Variants in FIGNL2 observed in about 807,000 individuals in gnomAD.
FIGNL2 encodes fidgetin like 2, also known as fidgetin-like protein 2.
For missense variants in FIGNL2, 1,060 were observed against 950.2 expected (o/e 1.12, Z -1.52); for synonymous variants, 565 against 484.0 (o/e 1.17, Z -2.20).
intron 1 of FIGNL2, among the ~76,000 whole-genome samples, chr12:51,828,947 C>T (rs1939399187): frequency 6.6e-6 from 1 of 152,216 alleles, no homozygotes; most frequent in African/African-American, 2.4e-5. Context: ...CAACACCCTC[C>T]TCCAACCCCC....
chr12:51,827,038 T>A (rs1416280970), intron 1 of FIGNL2, among the ~76,000 whole-genome samples: 1 of 152,226 alleles, frequency 6.6e-6, no homozygotes, highest in Non-Finnish European at 1.5e-5. Context: ...GGCCTTGCCT[T>A]CCTCCCCTAG....
At chr12:51,822,515 G>T (rs564392738) in intron 1 of FIGNL2, 91 bp from the exon 2 acceptor site, 5 of 1,461,630 alleles carry the variant, frequency 3.4e-6, no homozygotes, top group Admixed American at 4.0e-5. Context: ...CCTAGACTGC[G>T]GCTTGGACAG....
At chr12:51,827,291 A>G (rs1267095503) in intron 1 of FIGNL2, among the ~76,000 whole-genome samples, 4 of 152,328 alleles carry the variant, frequency 2.6e-5, no homozygotes, top group Admixed American at 2.6e-4. Flanking sequence ...TAGGCTTTGA[A>G]TCCCAGAGAC....
intron 1 of FIGNL2, 55 bp from the exon 2 acceptor site, chr12:51,822,479 G>A: frequency 6.3e-7 from 1 of 1,588,664 alleles, no homozygotes; most frequent in Non-Finnish European, 8.6e-7. Context: ...GACCCAGTGG[G>A]CCACTGCTAG....
At chr12:51,845,714 G>A (rs953555194) in intron 1 of FIGNL2, 7 of 972,786 alleles carry the variant, frequency 7.2e-6, no homozygotes, top group Admixed American at 1.2e-4. Flanking sequence ...CTGGCTGACC[G>A]ACGGCAGGGG....
chr12:51,821,484 C>T lies in FIGNL2; in HGVS notation c.930G>A (p.Arg310=). Residue 310 remains arginine (R), a synonymous_variant, in exon 2 of 2, where the codon CGG becomes CGA. Transcript: ENST00000618634. ...CCTCCGCGGCTCCTGGCGGCTTGGC[C>T]CGGAACCCGTTGCCCCGACATTCGC... ...DNGECRGNGF[R]AKPPGAAEEA... The T allele has an allele frequency of 6.4e-7, 1 of 1,553,382 alleles. No individual in the cohort carries two copies. Among genetic ancestry groups the T allele is most frequent in the Non-Finnish European group, 8.6e-7 (1 of 1,156,098 alleles).
chr12:51,824,985 A>G (rs1025528586), intron 1 of FIGNL2, among the ~76,000 whole-genome samples: 3 of 152,134 alleles, frequency 2.0e-5, no homozygotes, highest in African/African-American at 7.2e-5. Flanking sequence ...CGGAGGTTAC[A>G]GTGATCCGAG....
At chr12:51,846,069 G>C (rs903723457) in intron 1 of FIGNL2, among the ~76,000 whole-genome samples, 3 of 152,332 alleles carry the variant, frequency 2.0e-5, no homozygotes, top group African/African-American at 7.2e-5. Flanking sequence ...ATGCTATGCA[G>C]ACTGCCTGGC....
At chr12:51,848,071 C>A (rs1939790316) in intron 1 of FIGNL2, 1 of 912,180 alleles carries the variant, frequency 1.1e-6, no homozygotes, top group Non-Finnish European at 1.3e-6. Context: ...AGTAACCCAG[C>A]CCCCACCCCT....
chr12:51,834,109 T>TTGGATGGATGGATGGATGGA (rs75418518), intron 1 of FIGNL2, among the ~76,000 whole-genome samples: 19 of 134,006 alleles, frequency 1.4e-4, no homozygotes, highest in South Asian at 2.5e-4. Context: ...GGATGGATGG[T>TTGGATGGATGGATGGATGGA]TGGATGGATG....
At position 51,821,606 on chromosome 12, in the gene FIGNL2, C is replaced by T. The variant is rs752756252; in HGVS notation, c.808G>A (p.Ala270Thr). The change falls in exon 2 of 2, where the codon GCC (alanine) becomes ACC (threonine). Residue 270 changes from alanine (A) to threonine (T), a missense_variant. Transcript: ENST00000618634. Reference sequence around the variant, plus strand: ...TAGCGGCCCTCGGGCCCCTCGTCGGCGGCCTTGCGCTTCAGCGACAGCCCG... The same window carrying T: ...TAGCGGCCCTCGGGCCCCTCGTCGGTGGCCTTGCGCTTCAGCGACAGCCCG... ...ESGLSLKRKA[A>T]DEGPEGRYRK... The T allele has an allele frequency of 6.7e-6, 10 of 1,502,202 alleles. No individual in the cohort carries two copies. In the East Asian group the frequency reaches 8.3e-5, roughly 12 times the overall value. 93.1% of individuals were successfully genotyped at this position (1,502,202 alleles called of 1,614,324 possible).
At chr12:51,829,665 G>A (rs1171227126) in intron 1 of FIGNL2, among the ~76,000 whole-genome samples, 3 of 152,180 alleles carry the variant, frequency 2.0e-5, no homozygotes, top group South Asian at 2.1e-4. Context: ...TATGACTCCC[G>A]GCTTGAGAGG....
At position 51,821,244 on chromosome 12, in the gene FIGNL2, C is replaced by G; in HGVS notation, c.1170G>C (p.Gln390His). The G allele has an allele frequency of 6.6e-7, 1 of 1,525,862 alleles. No individual in the cohort carries two copies. Among genetic ancestry groups the G allele is most frequent in the Non-Finnish European group, 8.8e-7 (1 of 1,142,562 alleles). The allele number at this position is 1,525,862 out of a possible 1,614,324, so 94.5% of individuals were successfully genotyped here. A position where few individuals can be genotyped will look rare whatever the true frequency, so the allele number is the denominator to read the frequency against. The change falls in exon 2 of 2, where the codon CAG becomes CAC. Residue 390 changes from glutamine (Q) to histidine (H), a missense_variant. Transcript: ENST00000618634. ...CGCCCTGGCCCGCCACATCCGCCCA[C>G]TGCACCGGGGGCCCGCAGTCCACCA... is the stretch of plus-strand genomic sequence containing the variant. ...SKMVDCGPPV[Q>H]WADVAGQGAL...
chr12:51,824,943 C>G (rs993687317), intron 1 of FIGNL2, among the ~76,000 whole-genome samples: 1 of 151,990 alleles, frequency 6.6e-6, no homozygotes, highest in African/African-American at 2.4e-5. Context: ...ACTCAGGATG[C>G]TGAGGCAGGA....
At chr12:51,844,415 A>G (rs1309862360) in intron 1 of FIGNL2, among the ~76,000 whole-genome samples, 1 of 152,172 alleles carries the variant, frequency 6.6e-6, no homozygotes, top group Non-Finnish European at 1.5e-5. Context: ...GAAGGCACTC[A>G]GGGGGTTCGC....
At chr12:51,823,430 T>A (rs1407370264) in intron 1 of FIGNL2, 1 of 152,218 alleles carries the variant, frequency 6.6e-6, no homozygotes, top group African/African-American at 2.4e-5. Flanking sequence ...TAGAACTTTT[T>A]TTCGTGGTCC....
At chr12:51,845,465 C>T (rs1565949211) in intron 1 of FIGNL2, 15 of 985,134 alleles carry the variant, frequency 1.5e-5, no homozygotes, top group Non-Finnish European at 1.8e-5. Context: ...TCACCGCCCC[C>T]CCCCCACAGT....
chr12:51,821,493 G>T lies in FIGNL2; in HGVS notation c.921C>A (p.Asn307Lys). 6.4e-7 allele frequency: 1 copy of T among 1,556,254 alleles called. No homozygotes were observed. The highest frequency in any genetic ancestry group is 2.5e-5 in the East Asian group (1 of 40,518). ...CTCCTGGCGGCTTGGCCCGGAACCC[G>T]TTGCCCCGACATTCGCCGTTGTCCG... ...PAADNGECRGNGFRAKPPGAA... is the reference protein window; with the variant it reads ...PAADNGECRGKGFRAKPPGAA... The change falls in exon 2 of 2, where the codon AAC becomes AAA. Residue 307 changes from asparagine to lysine, a missense_variant. Asn to Lys is a moderately conservative substitution (Grantham distance 94). Transcript: ENST00000618634.
Position 51,820,788 on chromosome 12 carries a change from G to A in FIGNL2, c.1626C>T (p.Asp542=). 2.0e-6 allele frequency: 3 copies of A among 1,477,148 alleles called. No homozygotes were observed. The highest frequency in any genetic ancestry group is 2.7e-6 in the Non-Finnish European group (3 of 1,122,466). The allele number at this position is 1,477,148 out of a possible 1,614,324, so 91.5% of individuals were successfully genotyped here. ...GAGAGAAGCGCCGGCGGGTCGCCTC[G>A]TCCAGAGCCGCGGGCCGCGAGGTGG... The part of the protein sequence containing the change: ...VGTTSRPAAL[D]EATRRRFSLR... The change falls in exon 2 of 2, where the codon GAC becomes GAT. Residue 542 remains aspartate, a synonymous_variant. Transcript: ENST00000618634.
Sources: allele counts gnomAD v4.1 joint callset (sites outside exome capture counted in the v4.1 genomes callset), GRCh38; gene constraint gnomAD v4.1.1; transcripts MANE v1.5; gene names NCBI Gene and HGNC (gene_info 2026-07-23, HGNC 2026-07-21).